Variants in SPAM1 observed in about 807,000 individuals in gnomAD.
SPAM1 encodes hyaluronidase PH-20.
SPAM1 carries 22 observed loss-of-function variants against 29.6 expected under a neutral mutation model. The observed-to-expected ratio is 0.74, with a 90% CI of 0.53 to 1.06. The LOEUF (loss-of-function observed/expected upper bound fraction) is 1.06, where lower values mean the gene tolerates loss of function less well. Among genes scored for constraint, SPAM1 ranks in the 50% least tolerant of loss-of-function variants. The pLI, the probability that SPAM1 is intolerant of heterozygous loss-of-function variation, is 0.00. For synonymous variants in SPAM1, 194 were observed against 204.6 expected (o/e 0.95, Z 0.44); for missense variants, 534 against 604.0 (o/e 0.88, Z 1.21).
intron 1 of SPAM1, among the ~76,000 whole-genome samples, chr7:123,948,864 G>C (rs533015710): frequency 1.3e-5 from 2 of 152,046 alleles, no homozygotes; most frequent in African/African-American, 4.8e-5. Flanking sequence ...GCAGTGTCTT[G>C]ACTGACTTCT....
intron 4 of SPAM1, among the ~76,000 whole-genome samples, chr7:123,957,160 T>C (rs1172942319): frequency 6.6e-6 from 1 of 151,982 alleles, no homozygotes; most frequent in Non-Finnish European, 1.5e-5. Flanking sequence ...AACTTATGAG[T>C]ACTTAAAAAG....
At chr7:123,963,409 T>C (rs1330517618), downstream of SPAM1, among the ~76,000 whole-genome samples, 1 of 151,972 alleles carries the variant, frequency 6.6e-6, no homozygotes, top group Admixed American at 6.6e-5. Context: ...TAGTAGACTG[T>C]TGCCATTTCT....
chr7:123,969,245 T>C (rs1283936323), intron 5 of SPAM1, among the ~76,000 whole-genome samples: 1 of 152,092 alleles, frequency 6.6e-6, no homozygotes, highest in East Asian at 1.9e-4. Context: ...GGTTATCTCT[T>C]CACTCTGTTG....
intron 1 of SPAM1, among the ~76,000 whole-genome samples, chr7:123,933,936 T>C (rs555942633): frequency 6.6e-6 from 1 of 152,308 alleles, no homozygotes; most frequent in Admixed American, 6.5e-5. Context: ...AATGATGTTA[T>C]AGTCATTGTA....
At chr7:123,969,961 A>T (rs904013074) in intron 5 of SPAM1, among the ~76,000 whole-genome samples, 41 of 152,078 alleles carry the variant, frequency 2.7e-4, no homozygotes, top group Non-Finnish European at 4.9e-4. Flanking sequence ...CTGTATTTTA[A>T]GAGAGGTTTC....
intron 1 of SPAM1, among the ~76,000 whole-genome samples, chr7:123,935,610 A>C (rs1053023127): frequency 6.6e-6 from 1 of 152,176 alleles, no homozygotes; most frequent in African/African-American, 2.4e-5. Context: ...CTTGTTGCTG[A>C]AGAGATTAAA....
At chr7:123,957,111 T>A (rs1479518134) in intron 4 of SPAM1, among the ~76,000 whole-genome samples, 1 of 151,984 alleles carries the variant, frequency 6.6e-6, no homozygotes, top group Non-Finnish European at 1.5e-5. Context: ...ATTGGGAACA[T>A]AGTGTTGAAG....
chr7:123,950,892 T>A, intron 2 of SPAM1, among the ~76,000 whole-genome samples: 1 of 152,120 alleles, frequency 6.6e-6, no homozygotes, highest in Non-Finnish European at 1.5e-5. Context: ...AGTGTATAAG[T>A]GTGTCCTTTT....
At position 123,940,484 on chromosome 7, in the gene SPAM1, C is replaced by CT. The variant is rs544377082; in HGVS notation, c.-318-9374dup. On this transcript the variant is annotated intron_variant, in intron 1 of 4. Coordinates refer to ENST00000682466, the MANE Select transcript of SPAM1 (RefSeq NM_153189.3). The stretch of plus-strand genomic sequence containing the variant: ...ACATAATTAGTATTGACTTACCATG[C>CT]TTTTTTTTTTTTTTAATTTTAAGAG... Among the ~76,000 whole-genome samples, 745 of 138,448 alleles carry CT rather than the reference C, an allele frequency of 5.4e-3. 3 individuals are homozygous for CT. Among genetic ancestry groups the CT allele is most frequent in the African/African-American group, 0.014 (546 of 37,742 alleles). 90.8% of individuals were successfully genotyped at this position (138,448 alleles called of 152,430 possible). A position where few individuals can be genotyped will look rare whatever the true frequency, so the allele number is the denominator to read the frequency against.
intron 1 of SPAM1, among the ~76,000 whole-genome samples, chr7:123,941,567 A>C (rs1009932466): frequency 6.6e-6 from 1 of 152,210 alleles, no homozygotes; most frequent in East Asian, 1.9e-4. Context: ...GGTGAGCCTC[A>C]GTGGGCTGAC....
chr7:123,944,218 C>T (rs1808508612), intron 1 of SPAM1, among the ~76,000 whole-genome samples: 1 of 151,984 alleles, frequency 6.6e-6, no homozygotes, highest in African/African-American at 2.4e-5. Context: ...CTCATGAACA[C>T]AGTTTATTTT....
At chr7:123,961,963 C>G (rs1238529026), downstream of SPAM1, among the ~76,000 whole-genome samples, 2 of 151,872 alleles carry the variant, frequency 1.3e-5, no homozygotes, top group Non-Finnish European at 2.9e-5. Context: ...AATCTGTCAC[C>G]GTGATTCAAT....
chr7:123,955,204 C>T, intron 4 of SPAM1, 118 bp downstream of exon 4: 1 of 679,622 alleles, frequency 1.5e-6, no homozygotes, highest in East Asian at 2.8e-5. Context: ...GTAATAGGTG[C>T]TCAATTAATA....
chr7:123,966,077 AAAAC>A (rs1220504861), intron 5 of SPAM1, among the ~76,000 whole-genome samples: 8 of 152,080 alleles, frequency 5.3e-5, no homozygotes, highest in East Asian at 3.9e-4. Flanking sequence ...ACACAAGAAA[AAAAC>A]AAACAACCCC....
chr7:123,950,613 A>G (rs573915281), intron 2 of SPAM1, among the ~76,000 whole-genome samples: 8 of 152,262 alleles, frequency 5.3e-5, no homozygotes, highest in Non-Finnish European at 8.8e-5. Flanking sequence ...TTATGGCTGC[A>G]TAGTATTCCA....
chr7:123,950,057 A>C (rs958499399), intron 2 of SPAM1, 74 bp downstream of exon 2: 1 of 152,048 alleles, frequency 6.6e-6, no homozygotes, highest in African/African-American at 2.4e-5. Context: ...TTATCTGCAC[A>C]ATGAGCAAGG....
At chr7:123,944,765 A>G (rs1272753445) in intron 1 of SPAM1, among the ~76,000 whole-genome samples, 2 of 152,186 alleles carry the variant, frequency 1.3e-5, no homozygotes, top group African/African-American at 2.4e-5. Context: ...CAGTAGCTGA[A>G]AATGAATTGA....
chr7:123,928,552 G>A (rs1215038437), intron 1 of SPAM1, among the ~76,000 whole-genome samples: 1 of 152,174 alleles, frequency 6.6e-6, no homozygotes, highest in Non-Finnish European at 1.5e-5. Context: ...TGTAGGCGAC[G>A]AAACAGGCTT....
chr7:123,968,492 G>A (rs1187249065), intron 5 of SPAM1, among the ~76,000 whole-genome samples: 1 of 151,980 alleles, frequency 6.6e-6, no homozygotes, highest in Non-Finnish European at 1.5e-5. Context: ...TTCCTTGTTA[G>A]GACAATGTCA....
Sources: gnomAD v4.1 joint callset for allele counts (sites outside exome capture counted in the v4.1 genomes callset) on GRCh38, gnomAD v4.1.1 for gene constraint, MANE v1.5 for transcripts, NCBI Gene and HGNC (gene_info 2026-07-23, HGNC 2026-07-21) for gene names.